Variants in TTC1 observed in about 807,000 individuals in gnomAD.
The protein encoded by TTC1 is tetratricopeptide repeat protein 1.
TTC1 carries 31 observed loss-of-function variants against 37.6 expected under a neutral mutation model. The observed-to-expected ratio is 0.82, with a 90% CI of 0.62 to 1.11. TTC1 has a LOEUF of 1.11. Ranked by LOEUF, TTC1 falls within the 50% of genes most tolerant of loss-of-function variation. The probability of loss-of-function intolerance (pLI) is 0.00; values close to 1 mark genes in which losing one functional copy is unlikely to be tolerated. For synonymous variants in TTC1, 127 were observed against 122.4 expected, an observed-to-expected ratio of 1.04 and a Z score of -0.25; for missense variants, 351 against 339.0, an observed-to-expected ratio of 1.04 and a Z score of -0.28.
Position 160,063,152 on chromosome 5 carries a change from A to C in TTC1, c.746-1780A>C, listed in dbSNP as rs544683148. Among the ~76,000 whole-genome samples, 10 of 152,258 alleles carry C rather than the reference A, an allele frequency of 6.6e-5. No individual in the cohort carries two copies. In the Middle Eastern group the frequency reaches 0.01, roughly 155 times the overall value. ...GGTTGGCCTTTCTCTGGACATAGTG[A>C]GCTTCCTTGGGCTAGTTCTTAAGCC... On this transcript the variant is annotated intron_variant, in intron 7 of 7. Coordinates refer to ENST00000231238, the MANE Select transcript of TTC1 (RefSeq NM_003314.3).
rs555506008 is a variant in TTC1 at position 160,021,053 on chromosome 5, G to A, written c.330+10195G>A. ...TTGCTGGCAGAAAAGTTAAAATGAC[G>A]TTCAGTATTTCCTGTGTTTATTAAG... is the stretch of plus-strand genomic sequence containing the variant. On this transcript the variant is annotated intron_variant, in intron 2 of 7. Coordinates refer to ENST00000231238, the MANE Select transcript of TTC1 (RefSeq NM_003314.3). Among the ~76,000 whole-genome samples the A allele has an allele frequency of 2.6e-5, 4 of 152,150 alleles. No homozygotes were observed. The South Asian group carries it at 6.2e-4, about 24-fold the overall frequency.
At chr5:160,032,419 A>G (rs890038203) in intron 2 of TTC1, among the ~76,000 whole-genome samples, 1 of 152,190 alleles carries the variant, frequency 6.6e-6, no homozygotes, top group African/African-American at 2.4e-5. Context: ...GCTCTCCAAC[A>G]TCCAACACCC....
chr5:160,021,832 A>C (rs1343274184), intron 2 of TTC1, among the ~76,000 whole-genome samples: 3 of 152,140 alleles, frequency 2.0e-5, no homozygotes, highest in African/African-American at 7.2e-5. Context: ...TCCCACCTAG[A>C]TAAGACTAAA....
chr5:160,055,585 G>A (rs927485396), intron 7 of TTC1, among the ~76,000 whole-genome samples: 18 of 152,234 alleles, frequency 1.2e-4, no homozygotes, highest in African/African-American at 4.3e-4. Context: ...CATGATATCA[G>A]GCCCTACCCC....
intron 5 of TTC1, among the ~76,000 whole-genome samples, chr5:160,045,500 A>G: frequency 2.0e-5 from 2 of 101,740 alleles, no homozygotes; most frequent in African/African-American, 3.8e-5. Flanking sequence ...ACACACACAC[A>G]CACACACACA....
chr5:160,035,083 T>G (rs1200944933), intron 2 of TTC1, 57 bp from the exon 3 acceptor site: 2 of 1,469,144 alleles, frequency 1.4e-6, no homozygotes, highest in Non-Finnish European at 1.8e-6. Flanking sequence ...AAGCTCACCT[T>G]TTTGTTCACT....
chr5:160,062,412 C>T (rs1753444098), intron 7 of TTC1, among the ~76,000 whole-genome samples: 1 of 152,204 alleles, frequency 6.6e-6, no homozygotes, highest in Non-Finnish European at 1.5e-5. Flanking sequence ...AGCACTGTGG[C>T]ATGTAGCCTC....
intron 7 of TTC1, among the ~76,000 whole-genome samples, chr5:160,059,276 C>T (rs950227749): frequency 6.6e-6 from 1 of 152,230 alleles, no homozygotes; most frequent in Non-Finnish European, 1.5e-5. Context: ...CTTTTTGCAG[C>T]TTCTATGTCA....
chr5:160,026,025 A>G (rs1756798375), intron 2 of TTC1, among the ~76,000 whole-genome samples: 1 of 152,254 alleles, frequency 6.6e-6, no homozygotes, highest in Non-Finnish European at 1.5e-5. Context: ...GTAAGTCAGA[A>G]TTCGGTGAGC....
chr5:160,028,264 A>C (rs528094348), intron 2 of TTC1, among the ~76,000 whole-genome samples: 1 of 147,144 alleles, frequency 6.8e-6, no homozygotes, highest in Non-Finnish European at 1.5e-5. Context: ...ACACCACTGC[A>C]CTCCAGCATA....
At chr5:160,033,759 G>A (rs570998889) in intron 2 of TTC1, among the ~76,000 whole-genome samples, 2 of 152,192 alleles carry the variant, frequency 1.3e-5, no homozygotes. Context: ...TCCAGGGTCC[G>A]TCCCTTGACC....
intron 1 of TTC1, among the ~76,000 whole-genome samples, chr5:160,009,453 G>A (rs1044346486): frequency 6.6e-6 from 1 of 152,152 alleles, no homozygotes; most frequent in African/African-American, 2.4e-5. Context: ...GGTCGTTGGC[G>A]TGATTTTGCT....
At position 160,057,641 on chromosome 5, in the gene TTC1, A is replaced by G. The variant is rs1280640881; in HGVS notation, c.745+6458A>G. ...CAGTTGATTTTTCCTTTCATGAAAGATTTCTCAGTAGCATGCAGTGCTGTT... is the reference window on the plus strand; with the variant it reads ...CAGTTGATTTTTCCTTTCATGAAAGGTTTCTCAGTAGCATGCAGTGCTGTT... On this transcript the variant is annotated intron_variant, in intron 7 of 7. Transcript: ENST00000231238. The surrounding 1 kb of genome is among the most constrained non-coding windows in gnomAD (Gnocchi z 4.4). Among the ~76,000 whole-genome samples the G allele has an allele frequency of 2.6e-5, 4 of 152,082 alleles. No homozygotes were observed. The highest frequency in any genetic ancestry group is 5.9e-5 in the Non-Finnish European group (4 of 68,006).
chr5:160,016,585 A>T (rs543047899), intron 2 of TTC1, among the ~76,000 whole-genome samples: 1 of 152,176 alleles, frequency 6.6e-6, no homozygotes, highest in African/African-American at 2.4e-5. Flanking sequence ...TTTGAGAGGT[A>T]TGATTATTAG....
chr5:160,016,154 G>T (rs891082068), intron 2 of TTC1, among the ~76,000 whole-genome samples: 19 of 152,292 alleles, frequency 1.2e-4, no homozygotes, highest in Non-Finnish European at 2.1e-4. Context: ...AAGGTGGGCA[G>T]ACCACTCAAG....
At chr5:160,043,205 A>G in intron 5 of TTC1, 36 bp downstream of exon 5, 1 of 1,611,178 alleles carries the variant, frequency 6.2e-7, no homozygotes, top group South Asian at 1.1e-5. Context: ...GTTAACATAC[A>G]GGAGCATTAT....
chr5:160,048,143 T>A (rs1757305519), intron 5 of TTC1, among the ~76,000 whole-genome samples: 1 of 133,290 alleles, frequency 7.5e-6, no homozygotes, highest in Non-Finnish European at 1.6e-5. Context: ...TTTTTTTTTT[T>A]TTTTTTTTTT....
intron 2 of TTC1, among the ~76,000 whole-genome samples, chr5:160,028,823 A>C (rs188327937): frequency 2.8e-4 from 43 of 152,238 alleles, no homozygotes; most frequent in Non-Finnish European, 5.9e-4. Context: ...CAACCTCCTT[A>C]CTTCACCACA....
At chr5:160,039,119 TG>T (rs1757045290) in intron 4 of TTC1, 2 of 152,184 alleles carry the variant, frequency 1.3e-5, no homozygotes, top group African/African-American at 4.8e-5. Context: ...GAAGAATTTC[TG>T]AAAGGCAGGT....
Sources: allele counts gnomAD v4.1 joint callset (sites outside exome capture counted in the v4.1 genomes callset), GRCh38; gene constraint gnomAD v4.1.1; non-coding constraint Gnocchi (gnomAD v3.1); transcripts MANE v1.5; gene names NCBI Gene and HGNC (gene_info 2026-07-23, HGNC 2026-07-21).